DGKB: variants seen among roughly 807,000 people sequenced by gnomAD.
The protein encoded by DGKB is diacylglycerol kinase beta.
DGKB carries 67 observed loss-of-function variants against 114.3 expected under a neutral mutation model. The observed-to-expected ratio is 0.59, with a 90% CI of 0.48 to 0.72. DGKB has a LOEUF of 0.72. Ranked by LOEUF, DGKB falls within the 30% of genes least tolerant of loss-of-function variation. The pLI is 0.00. For synonymous variants in DGKB, 398 were observed against 323.1 expected (o/e 1.23, Z -2.49); for missense variants, 907 against 975.2 (o/e 0.93, Z 0.93).
intron 20 of DGKB, among the ~76,000 whole-genome samples, chr7:14,517,193 A>G (rs1263752931): frequency 6.6e-6 from 1 of 152,160 alleles, no homozygotes; most frequent in Non-Finnish European, 1.5e-5. Flanking sequence ...GCTGACAAAA[A>G]CAAGCGATAG....
chr7:14,227,157 C>T (rs992904603), intron 23 of DGKB, among the ~76,000 whole-genome samples: 15 of 152,024 alleles, frequency 9.9e-5, no homozygotes, highest in African/African-American at 1.4e-4. Flanking sequence ...ACAGGTGGTC[C>T]AAGCCTTGGT....
chr7:14,370,932 C>T (rs1817525169), intron 21 of DGKB, among the ~76,000 whole-genome samples: 1 of 152,018 alleles, frequency 6.6e-6, no homozygotes, highest in African/African-American at 2.4e-5. Flanking sequence ...TTTTCTGTTC[C>T]TCAGTTAATT....
At chr7:14,403,730 T>C (rs1435847240) in intron 21 of DGKB, among the ~76,000 whole-genome samples, 1 of 151,992 alleles carries the variant, frequency 6.6e-6, no homozygotes, top group African/African-American at 2.4e-5. Context: ...TGCTTTGCCA[T>C]TTATCAACCA....
At chr7:14,251,489 TTTTG>T (rs1298567462) in intron 23 of DGKB, among the ~76,000 whole-genome samples, 5 of 152,160 alleles carry the variant, frequency 3.3e-5, no homozygotes, top group South Asian at 2.1e-4. Flanking sequence ...GTTTTTAAAG[TTTTG>T]TTTGTCTATT....
intron 1 of DGKB, among the ~76,000 whole-genome samples, chr7:14,960,946 C>T (rs1287574012): frequency 6.6e-6 from 1 of 152,044 alleles, no homozygotes; most frequent in Non-Finnish European, 1.5e-5. Context: ...TTAGGACAAA[C>T]ATCAGAGAAC....
At chr7:14,200,071 G>A (rs1039112054) in intron 23 of DGKB, among the ~76,000 whole-genome samples, 1 of 152,010 alleles carries the variant, frequency 6.6e-6, no homozygotes, top group Non-Finnish European at 1.5e-5. Context: ...AGGCCAACAT[G>A]CCACTGCATA....
At chr7:14,438,354 A>G (rs902023981) in intron 21 of DGKB, among the ~76,000 whole-genome samples, 1 of 152,104 alleles carries the variant, frequency 6.6e-6, no homozygotes, top group East Asian at 1.9e-4. Context: ...AGCACGTCAC[A>G]TTTGGAGGAC....
intron 23 of DGKB, among the ~76,000 whole-genome samples, chr7:14,227,805 A>T (rs1488650809): frequency 6.6e-6 from 1 of 152,082 alleles, no homozygotes; most frequent in African/African-American, 2.4e-5. Context: ...AGGGCACTTA[A>T]GATGTGGAAT....
At chr7:14,335,268 T>C (rs1420939910) in intron 23 of DGKB, among the ~76,000 whole-genome samples, 1 of 152,050 alleles carries the variant, frequency 6.6e-6, no homozygotes, top group East Asian at 1.9e-4. Flanking sequence ...TTTCTTTAAA[T>C]TAAAATAAAA....
chr7:14,602,841 T>A (rs1476410066), intron 17 of DGKB, among the ~76,000 whole-genome samples: 2 of 152,190 alleles, frequency 1.3e-5, no homozygotes, highest in African/African-American at 4.8e-5. Flanking sequence ...TCATTTCAAA[T>A]GGCCAATTCA....
At chr7:14,652,361 C>G (rs1294666186) in intron 13 of DGKB, among the ~76,000 whole-genome samples, 3 of 152,088 alleles carry the variant, frequency 2.0e-5, no homozygotes, top group African/African-American at 7.2e-5. Flanking sequence ...CTACAACTAT[C>G]CGATCTTTGA....
At chr7:14,504,938 A>T (rs754565950) in intron 20 of DGKB, among the ~76,000 whole-genome samples, 2 of 152,218 alleles carry the variant, frequency 1.3e-5, no homozygotes, top group Non-Finnish European at 2.9e-5. Context: ...TCTCTTGAAC[A>T]TGCTAACACT....
At chr7:14,209,604 TAAGAGGTAAGCTTTACCA>T (rs919952386) in intron 23 of DGKB, 17 of 452,852 alleles carry the variant, frequency 3.8e-5, no homozygotes, top group Middle Eastern at 3.5e-4. Flanking sequence ...ATCTGCCCCT[TAAGAGGTAAGCTTTACCA>T]ATCTCCCATT....
At chr7:14,529,334 G>A (rs1791174811) in intron 20 of DGKB, among the ~76,000 whole-genome samples, 1 of 151,768 alleles carries the variant, frequency 6.6e-6, no homozygotes, top group Non-Finnish European at 1.5e-5. Context: ...TGTTATAAAA[G>A]TTGAAAATCA....
At chr7:14,912,277 A>G (rs1335159948) in intron 1 of DGKB, among the ~76,000 whole-genome samples, 2 of 152,292 alleles carry the variant, frequency 1.3e-5, no homozygotes, top group East Asian at 3.9e-4. Flanking sequence ...TAATGTTTCT[A>G]AGCCCAGTCC....
At chr7:14,631,263 CAAAAAAAA>C (rs35088925) in intron 13 of DGKB, among the ~76,000 whole-genome samples, 8 of 98,404 alleles carry the variant, frequency 8.1e-5, no homozygotes, top group South Asian at 3.5e-4. Context: ...CAGCAAGAAC[CAAAAAAAA>C]AAAAAAAAAA....
intron 13 of DGKB, among the ~76,000 whole-genome samples, chr7:14,660,855 G>C (rs746787509): frequency 6.6e-6 from 1 of 152,090 alleles, no homozygotes; most frequent in South Asian, 2.1e-4. Context: ...CCAAAACAGA[G>C]ATATAGATCA....
At chr7:14,776,669 A>C (rs568136425) in intron 2 of DGKB, among the ~76,000 whole-genome samples, 1 of 152,350 alleles carries the variant, frequency 6.6e-6, no homozygotes, top group East Asian at 1.9e-4. Context: ...TGAATTTCAG[A>C]GAATGTATGG....
At chr7:14,650,029 T>G (rs1376513297) in intron 13 of DGKB, among the ~76,000 whole-genome samples, 1 of 151,726 alleles carries the variant, frequency 6.6e-6, no homozygotes, top group Non-Finnish European at 1.5e-5. Flanking sequence ...AGACTTAGAC[T>G]CCCACGCATT....
Sources: gnomAD v4.1 joint callset for allele counts (sites outside exome capture counted in the v4.1 genomes callset) on GRCh38, gnomAD v4.1.1 for gene constraint, MANE v1.5 for transcripts, NCBI Gene and HGNC (gene_info 2026-07-23, HGNC 2026-07-21) for gene names.